PRR16: variants seen among roughly 807,000 people sequenced by gnomAD.
The protein encoded by PRR16 is proline rich 16.
Under a neutral mutation model 18.2 loss-of-function variants are expected in PRR16, and 6 were observed. The observed-to-expected ratio is 0.33, with a 90% CI of 0.18 to 0.65. The LOEUF is 0.65. Among genes scored for constraint, PRR16 ranks in the 30% least tolerant of loss-of-function variants. PRR16 has a pLI of 0.74. For missense variants in PRR16, 412 were observed against 376.6 expected (o/e 1.09, Z -0.78); for synonymous variants, 151 against 147.8 (o/e 1.02, Z -0.16).
At chr5:120,793,973 G>C in the PRR16 span, among the ~76,000 whole-genome samples, 691 of 152,132 alleles carry the variant, frequency 4.5e-3, 9 homozygotes, top group African/African-American at 0.016. Flanking sequence ...ATTACCTTGT[G>C]GGACCACCAT....
At chr5:120,762,702 C>G in the PRR16 span, among the ~76,000 whole-genome samples, 1 of 152,208 alleles carries the variant, frequency 6.6e-6, no homozygotes, top group Non-Finnish European at 1.5e-5. Flanking sequence ...CAGATGAATA[C>G]TTTGCAAGTA....
chr5:120,659,434 A>G lies in PRR16; in HGVS notation c.160-26520A>G, dbSNP rs75545102. On this transcript the variant is annotated intron_variant, in intron 1 of 1. Transcript: ENST00000407149. ...TCAGAATGTATAGACCTACCCACTG[A>G]ATATGTTTTCATTGATATATAATAC... Among the ~76,000 whole-genome samples the G allele has an allele frequency of 2.0e-3, 304 of 152,084 alleles. 6 individuals carry two copies. The East Asian group carries it at 0.053, about 27-fold the overall frequency.
intron 1 of PRR16, among the ~76,000 whole-genome samples, chr5:120,673,412 A>G (rs1756682257): frequency 6.6e-6 from 1 of 152,224 alleles, no homozygotes; most frequent in South Asian, 2.1e-4. Context: ...GTCTTATTTT[A>G]TGGGTCTTTA....
At chr5:120,782,046 A>G in the PRR16 span, among the ~76,000 whole-genome samples, 26 of 152,166 alleles carry the variant, frequency 1.7e-4, no homozygotes, top group Non-Finnish European at 2.9e-5. Flanking sequence ...TATTGTTCAT[A>G]TTACTACTTT....
At chr5:120,597,882 C>T (rs1753863473) in intron 1 of PRR16, among the ~76,000 whole-genome samples, 1 of 151,592 alleles carries the variant, frequency 6.6e-6, no homozygotes, top group Non-Finnish European at 1.5e-5. Flanking sequence ...GTAAAATATT[C>T]CTTTAGAATT....
chr5:120,518,354 G>A (rs1751065059), intron 1 of PRR16, among the ~76,000 whole-genome samples: 2 of 151,976 alleles, frequency 1.3e-5, no homozygotes, highest in African/African-American at 2.4e-5. Context: ...TACTGACTCT[G>A]TAGGAGACAA....
At chr5:120,705,753 A>G in the PRR16 span, among the ~76,000 whole-genome samples, 1 of 152,234 alleles carries the variant, frequency 6.6e-6, no homozygotes, top group African/African-American at 2.4e-5. Context: ...AGTGTAAACA[A>G]TTCACAATGC....
chr5:120,663,457 GAA>G (rs5870912), intron 1 of PRR16, among the ~76,000 whole-genome samples: 14 of 151,840 alleles, frequency 9.2e-5, no homozygotes, highest in Admixed American at 9.2e-4. Context: ...AAAAGTAAAA[GAA>G]AAAAAATTAT....
rs74810740 is a variant in PRR16 at position 120,652,220 on chromosome 5, G to C, written c.160-33734G>C. 4.0e-3 allele frequency among the ~76,000 whole-genome samples: 604 copies of C among 151,866 alleles called. 7 individuals are homozygous for C. Among genetic ancestry groups the C allele is most frequent in the African/African-American group, 0.014 (589 of 41,516 alleles). On this transcript the variant is annotated intron_variant, in intron 1 of 1. Transcript: ENST00000407149. Reference sequence around the variant, plus strand: ...ATGATTCTATGGAAAAGAAATATTTGCAATGGTGTCTATGTTTTTTTTGTT... The same window carrying C: ...ATGATTCTATGGAAAAGAAATATTTCCAATGGTGTCTATGTTTTTTTTGTT...
chr5:120,500,285 A>G (rs185402269), intron 1 of PRR16, among the ~76,000 whole-genome samples: 1 of 152,322 alleles, frequency 6.6e-6, no homozygotes, highest in East Asian at 1.9e-4. Flanking sequence ...TTAGGCAAAA[A>G]GAAAACCCAA....
intron 1 of PRR16, among the ~76,000 whole-genome samples, chr5:120,667,628 G>A (rs1421359746): frequency 6.6e-6 from 1 of 151,350 alleles, no homozygotes; most frequent in Non-Finnish European, 1.5e-5. Flanking sequence ...TGCTTTGAAT[G>A]CGTCCCAGAG....
At chr5:120,665,811 G>C (rs1322125234) in intron 1 of PRR16, among the ~76,000 whole-genome samples, 2 of 151,742 alleles carry the variant, frequency 1.3e-5, no homozygotes, top group Non-Finnish European at 2.9e-5. Flanking sequence ...TGTTCCATTG[G>C]TCTATATCTC....
intron 1 of PRR16, among the ~76,000 whole-genome samples, chr5:120,545,199 C>T (rs1404984696): frequency 6.6e-6 from 1 of 152,018 alleles, no homozygotes; most frequent in Admixed American, 6.6e-5. Context: ...TTCACATGCA[C>T]AGAGCTGTGT....
At chr5:120,594,648 A>G (rs1018362114) in intron 1 of PRR16, among the ~76,000 whole-genome samples, 2 of 152,132 alleles carry the variant, frequency 1.3e-5, no homozygotes, top group Non-Finnish European at 2.9e-5. Context: ...CCTAATACCC[A>G]AGGCAATCCT....
intron 1 of PRR16, among the ~76,000 whole-genome samples, chr5:120,557,619 T>TG (rs1309974823): frequency 2.0e-5 from 3 of 151,938 alleles, no homozygotes; most frequent in African/African-American, 7.2e-5. Context: ...TTGGTAGTTC[T>TG]GGTGGTTCAC....
chr5:120,715,124 GCCAT>G, the PRR16 span, among the ~76,000 whole-genome samples: 1 of 151,664 alleles, frequency 6.6e-6, no homozygotes, highest in Admixed American at 6.6e-5. Flanking sequence ...AAAAGTCGTA[GCCAT>G]AGCCAAGGTC....
the PRR16 span, among the ~76,000 whole-genome samples, chr5:120,739,426 C>G: frequency 3.9e-5 from 6 of 152,082 alleles, no homozygotes; most frequent in Non-Finnish European, 8.8e-5. Context: ...CAATGGGTTA[C>G]TTTTCTTTGT....
At chr5:120,471,718 A>G (rs927067457) in intron 1 of PRR16, among the ~76,000 whole-genome samples, 7 of 152,122 alleles carry the variant, frequency 4.6e-5, no homozygotes, top group Middle Eastern at 3.2e-3. Flanking sequence ...TATTGTATTA[A>G]AAGTTAGTTC....
intron 1 of PRR16, among the ~76,000 whole-genome samples, chr5:120,605,120 G>A (rs1311592251): frequency 2.0e-5 from 3 of 152,052 alleles, no homozygotes; most frequent in African/African-American, 7.2e-5. Flanking sequence ...GTGGTTTTGT[G>A]GACAGTATTC....
Sources: allele counts gnomAD v4.1 joint callset (sites outside exome capture counted in the v4.1 genomes callset), GRCh38; gene constraint gnomAD v4.1.1; transcripts MANE v1.5; gene names NCBI Gene and HGNC (gene_info 2026-07-23, HGNC 2026-07-21).